The following ABHD2 variants were observed in gnomAD, a reference collection of about 807,000 sequenced individuals.
ABHD2 encodes abhydrolase domain containing 2, acylglycerol lipase.
Under a neutral mutation model 48.1 loss-of-function variants are expected in ABHD2, and 20 were observed. That is an observed-to-expected ratio of 0.42 (90% CI 0.29 to 0.60). ABHD2 has a LOEUF of 0.60. Ranked by LOEUF, ABHD2 falls within the 20% of genes least tolerant of loss-of-function variation. The pLI is 0.24. For missense variants in ABHD2, 405 were observed against 550.9 expected (o/e 0.74, Z 2.65); for synonymous variants, 209 against 214.2 (o/e 0.98, Z 0.21).
intron 3 of ABHD2, among the ~76,000 whole-genome samples, chr15:89,148,831 G>A (rs553897418): frequency 6.6e-6 from 1 of 152,278 alleles, no homozygotes; most frequent in Admixed American, 6.5e-5. Flanking sequence ...ATATTCCTTC[G>A]TGTACCATTT....
chr15:89,166,689 C>T lies in ABHD2; in HGVS notation c.539-9123C>T, dbSNP rs576403318. Among the ~76,000 whole-genome samples, 2 of 152,112 alleles carry T rather than the reference C, an allele frequency of 1.3e-5. No individual in the cohort carries two copies. The highest frequency in any genetic ancestry group is 2.9e-5 in the Non-Finnish European group (2 of 68,034). On this transcript the variant is annotated intron_variant, in intron 5 of 10. Coordinates refer to ENST00000352732, the MANE Select transcript of ABHD2 (RefSeq NM_152924.5). The surrounding 1 kb of genome is among the most constrained non-coding windows in gnomAD (Gnocchi z 4.6). ...AAAATAAATTAGCTGGGCATGGTGG[C>T]TCATGTCTGTAGTCCCGGCTACTCT...
At position 89,136,953 on chromosome 15, in the gene ABHD2, C is replaced by T. The variant is rs537159998; in HGVS notation, c.195-14724C>T. 5.9e-5 allele frequency among the ~76,000 whole-genome samples: 9 copies of T among 152,318 alleles called. No homozygotes were observed. The South Asian group carries it at 1.9e-3, about 32-fold the overall frequency. ...CAGATGGGGACAAGACACGGGTGCT[C>T]TGTGTTCTGAGCGTCAGCGTACATC... On this transcript the variant is annotated intron_variant, in intron 3 of 10. Transcript: ENST00000352732.
rs537957981 is a variant in ABHD2 at position 89,104,038 on chromosome 15, G to T, written c.-106-9687G>T. On this transcript the variant is annotated intron_variant, in intron 1 of 10. Transcript: ENST00000352732. The surrounding 1 kb of genome is among the most constrained non-coding windows in gnomAD (Gnocchi z 4.4). ...AGGAGATCCTGTTTCTACTCACAGC[G>T]TCCGAGGTATTTATAAAACAGAAAT... is the stretch of plus-strand genomic sequence containing the variant. 6.6e-6 allele frequency: 1 copy of T among 152,306 alleles called. No homozygotes were observed. Among genetic ancestry groups the T allele is most frequent in the South Asian group, 2.1e-4 (1 of 4,832 alleles). The allele number at this position is 152,306 out of a possible 1,614,324, so 9.4% of individuals were successfully genotyped here.
the ABHD2 span, among the ~76,000 whole-genome samples, chr15:89,064,813 A>G: frequency 1.3e-5 from 2 of 152,030 alleles, no homozygotes; most frequent in Non-Finnish European, 2.9e-5. Flanking sequence ...CACACAGGAG[A>G]GCATATAATG....
At chr15:89,050,257 A>T in the ABHD2 span, among the ~76,000 whole-genome samples, 3 of 152,176 alleles carry the variant, frequency 2.0e-5, no homozygotes, top group African/African-American at 7.2e-5. Context: ...GAAGAGTGTC[A>T]TGGGGCGGGG....
intron 1 of ABHD2, among the ~76,000 whole-genome samples, chr15:89,110,547 T>C (rs1019508366): frequency 5.9e-5 from 9 of 152,154 alleles, no homozygotes; most frequent in African/African-American, 2.2e-4. Context: ...AGCCTTAACA[T>C]AAATTTCTTT....
At chr15:89,045,397 TG>T in the ABHD2 span, among the ~76,000 whole-genome samples, 2,859 of 152,320 alleles carry the variant, frequency 0.019, 82 homozygotes, top group African/African-American at 0.065. Flanking sequence ...GGCTCTTTTT[TG>T]GTTCCATATG....
intron 3 of ABHD2, among the ~76,000 whole-genome samples, chr15:89,130,509 C>T (rs1384304920): frequency 2.6e-5 from 4 of 152,264 alleles, no homozygotes; most frequent in South Asian, 4.1e-4. Flanking sequence ...CTGGTTGGTC[C>T]GGTAAAGCCC....
intron 3 of ABHD2, among the ~76,000 whole-genome samples, chr15:89,125,268 G>A (rs2050114284): frequency 6.7e-6 from 1 of 149,454 alleles, no homozygotes; most frequent in Non-Finnish European, 1.5e-5. Context: ...AAAAAAAAAA[G>A]AGTTGTGCAA....
Position 89,201,836 on chromosome 15 carries a change from T to C in ABHD2, c.*6413T>C. Reference sequence around the variant, plus strand: ...CAGCGCAGAGCAGGGGGCGGCTTGCTCGCTGGGGGCGGGGGACGATGGCGA... The same window carrying C: ...CAGCGCAGAGCAGGGGGCGGCTTGCCCGCTGGGGGCGGGGGACGATGGCGA... On this transcript the variant is annotated 3_prime_UTR_variant, in exon 11 of 11. Transcript: ENST00000352732. The C allele has an allele frequency of 3.7e-6, 4 of 1,086,990 alleles. No homozygotes were observed. Among genetic ancestry groups the C allele is most frequent in the Non-Finnish European group, 5.4e-6 (4 of 738,038 alleles). The allele number at this position is 1,086,990 out of a possible 1,614,324, so 67.3% of individuals were successfully genotyped here. A position where few individuals can be genotyped will look rare whatever the true frequency, so the allele number is the denominator to read the frequency against.
rs1259163615 is a variant in ABHD2 at position 89,168,009 on chromosome 15, A to G, written c.539-7803A>G. ...ATTTTGTGGCATATCCACAGATGCCATGCATGGGCCTGGCATGGAACATAC... is the reference window on the plus strand; with the variant it reads ...ATTTTGTGGCATATCCACAGATGCCGTGCATGGGCCTGGCATGGAACATAC... On this transcript the variant is annotated intron_variant, in intron 5 of 10. Coordinates refer to ENST00000352732, the MANE Select transcript of ABHD2 (RefSeq NM_152924.5). This position sits in a 1 kb window ranked among gnomAD's most constrained non-coding sequence, Gnocchi z 4.8. 2.0e-5 allele frequency among the ~76,000 whole-genome samples: 3 copies of G among 152,218 alleles called. No individual in the cohort carries two copies. The highest frequency in any genetic ancestry group is 4.4e-5 in the Non-Finnish European group (3 of 68,044).
In ABHD2 at chr15:89,177,804, C is replaced by G. The variant is rs1384232736; in HGVS notation, c.722+1809C>G. On this transcript the variant is annotated intron_variant, in intron 6 of 10. Coordinates refer to ENST00000352732, the MANE Select transcript of ABHD2 (RefSeq NM_152924.5). This position sits in a 1 kb window ranked among gnomAD's most constrained non-coding sequence, Gnocchi z 5.6. ...GTCACTGGGATAAGAAAGACATGAG[C>G]AAGGGGCCTACCCCAGGATCCAAGG... Among the ~76,000 whole-genome samples, 1 of 152,142 alleles carries G rather than the reference C, an allele frequency of 6.6e-6. No individual in the cohort carries two copies. Among genetic ancestry groups the G allele is most frequent in the African/African-American group, 2.4e-5 (1 of 41,440 alleles).
rs759690519 is a variant in ABHD2 at position 89,120,356 on chromosome 15, G to C, written c.194+3835G>C. ...GTGAAACAAGCAGACGCCCAGTTCG[G>C]AATTATGACAAAAATCTAGATAGTC... On this transcript the variant is annotated intron_variant, in intron 3 of 10. Transcript: ENST00000352732. The surrounding 1 kb of genome is among the most constrained non-coding windows in gnomAD (Gnocchi z 4.2). Among the ~76,000 whole-genome samples the C allele has an allele frequency of 1.3e-4, 20 of 151,888 alleles. No individual in the cohort carries two copies. The highest frequency in any genetic ancestry group is 1.5e-4 in the Non-Finnish European group (10 of 67,992).
At chr15:89,126,082 TTCA>T (rs1401943994) in intron 3 of ABHD2, among the ~76,000 whole-genome samples, 1 of 152,226 alleles carries the variant, frequency 6.6e-6, no homozygotes, top group African/African-American at 2.4e-5. Flanking sequence ...TACCGCCCTA[TTCA>T]TCATACCTGA....
intron 3 of ABHD2, among the ~76,000 whole-genome samples, chr15:89,117,035 A>G (rs994871739): frequency 6.6e-6 from 1 of 151,192 alleles, no homozygotes; most frequent in African/African-American, 2.4e-5. Flanking sequence ...CCAGATCTGT[A>G]TTTTTTTTTA....
At chr15:89,041,598 G>A in the ABHD2 span, among the ~76,000 whole-genome samples, 1 of 152,192 alleles carries the variant, frequency 6.6e-6, no homozygotes, top group Non-Finnish European at 1.5e-5. Context: ...TGGAAGACCT[G>A]AGCCAAGCCT....
intron 3 of ABHD2, among the ~76,000 whole-genome samples, chr15:89,128,012 C>A (rs953736934): frequency 2.0e-5 from 3 of 152,108 alleles, no homozygotes; most frequent in Admixed American, 1.3e-4. Flanking sequence ...CGTCACACCT[C>A]AAGTGTATTC....
At chr15:89,077,400 G>A in the ABHD2 span, among the ~76,000 whole-genome samples, 16 of 152,116 alleles carry the variant, frequency 1.1e-4, no homozygotes, top group African/African-American at 3.9e-4. Context: ...ATGGACATTT[G>A]GACAGTTTAC....
the ABHD2 span, among the ~76,000 whole-genome samples, chr15:89,072,158 G>A: frequency 1.3e-5 from 2 of 152,134 alleles, no homozygotes; most frequent in Non-Finnish European, 1.5e-5. Flanking sequence ...AGCTGACCTC[G>A]ATGGATATGT....
Sources: allele counts gnomAD v4.1 joint callset (sites outside exome capture counted in the v4.1 genomes callset), GRCh38; gene constraint gnomAD v4.1.1; non-coding constraint Gnocchi (gnomAD v3.1); transcripts MANE v1.5; gene names NCBI Gene and HGNC (gene_info 2026-07-23, HGNC 2026-07-21).